PTPRG: variants seen among roughly 807,000 people sequenced by gnomAD.
PTPRG encodes the protein receptor-type tyrosine-protein phosphatase gamma.
Under a neutral mutation model 165.3 loss-of-function variants are expected in PTPRG, and 102 were observed. That is an observed-to-expected ratio of 0.62 (90% CI 0.53 to 0.73). PTPRG has a LOEUF of 0.73. Ranked by LOEUF, PTPRG falls within the 30% of genes least tolerant of loss-of-function variation. The probability of loss-of-function intolerance (pLI) is 0.00; values close to 1 mark genes in which losing one functional copy is unlikely to be tolerated. For synonymous variants in PTPRG, 675 were observed against 669.5 expected (o/e 1.01, Z -0.13); for missense variants, 1,866 against 1,861.4 (o/e 1.00, Z -0.05).
In PTPRG at chr3:61,937,763, C is replaced by G. The variant is rs951320360; in HGVS notation, c.191-51862C>G. 3.3e-5 allele frequency among the ~76,000 whole-genome samples: 5 copies of G among 152,196 alleles called. No individual in the cohort carries two copies. The East Asian group carries it at 9.6e-4, about 29-fold the overall frequency. ...AAAGGAGAACATTGTGCTCATCAAA[C>G]TGCTGTGCCACTTCCACCTCCCAGC... On this transcript the variant is annotated intron_variant, in intron 2 of 29. Transcript: ENST00000474889.
intron 12 of PTPRG, among the ~76,000 whole-genome samples, chr3:62,212,953 C>G (rs376839911): frequency 2.0e-5 from 3 of 152,218 alleles, no homozygotes; most frequent in African/African-American, 7.2e-5. Flanking sequence ...GCTGGGAAAA[C>G]TACATCATCT....
intron 2 of PTPRG, among the ~76,000 whole-genome samples, chr3:61,839,195 T>A (rs62243188): frequency 0.11 from 16,898 of 152,194 alleles, 1,207 homozygotes; most frequent in East Asian, 0.33. Context: ...AAAATTACTT[T>A]TATTGGAGGC....
intron 2 of PTPRG, among the ~76,000 whole-genome samples, chr3:61,795,275 G>A (rs1407642101): frequency 6.6e-6 from 1 of 152,074 alleles, no homozygotes; most frequent in African/African-American, 2.4e-5. Context: ...GTGGTATAGG[G>A]CTTAAGAGCA....
chr3:62,264,210 T>C (rs1474047866), intron 17 of PTPRG: 1 of 151,522 alleles, frequency 6.6e-6, no homozygotes, highest in South Asian at 2.1e-4. Context: ...TCCCAGCTAA[T>C]GGAGAGGCAC....
intron 12 of PTPRG, among the ~76,000 whole-genome samples, chr3:62,215,899 G>A (rs1413506503): frequency 6.6e-6 from 1 of 152,196 alleles, no homozygotes; most frequent in Admixed American, 6.5e-5. Context: ...AAATTCTGGA[G>A]TGGTCACTTT....
intron 2 of PTPRG, among the ~76,000 whole-genome samples, chr3:61,829,535 A>G (rs2036212240): frequency 6.6e-6 from 1 of 152,252 alleles, no homozygotes; most frequent in Admixed American, 6.5e-5. Context: ...TTCATGGGTT[A>G]ACTACTCCAA....
intron 1 of PTPRG, among the ~76,000 whole-genome samples, chr3:61,658,616 C>T (rs113087679): frequency 0.014 from 2,125 of 152,244 alleles, 27 homozygotes; most frequent in South Asian, 0.029. Context: ...CATTTATTCC[C>T]GAGATAAGTG....
chr3:62,201,673 A>T, intron 11 of PTPRG, 119 bp downstream of exon 11: 1 of 803,538 alleles, frequency 1.2e-6, no homozygotes, highest in East Asian at 2.8e-5. Context: ...AAGCGGTTAT[A>T]GTAGAGAAAA....
rs1409838361 is a variant in PTPRG, at chr3:62,157,157, C to T, written c.773C>T (p.Thr258Ile). The T allele has an allele frequency of 6.2e-7, 1 of 1,614,032 alleles. No individual in the cohort carries two copies. The highest frequency in any genetic ancestry group is 1.7e-5 in the Admixed American group (1 of 60,026). ...SYYRYTGSLT[T>I]PPCSEIVEWI... ...TATCGGTACACAGGTTCCTTGACCA[C>T]ACCACCGTGTAGCGAAATAGTGGAG... is the stretch of plus-strand genomic sequence containing the variant. The change falls in exon 7 of 30, where the codon ACA (threonine) becomes ATA (isoleucine). Residue 258 changes from threonine to isoleucine, a missense_variant. By Grantham distance (89) the Thr-to-Ile change is moderately conservative. Coordinates refer to ENST00000474889, the MANE Select transcript of PTPRG (RefSeq NM_002841.4).
intron 2 of PTPRG, among the ~76,000 whole-genome samples, chr3:61,801,890 T>G (rs917919954): frequency 6.6e-6 from 1 of 152,104 alleles, no homozygotes; most frequent in South Asian, 2.1e-4. Flanking sequence ...CTGGCCGTGG[T>G]GGCGTGCGCC....
chr3:61,671,744 A>G (rs1457595106), intron 1 of PTPRG, among the ~76,000 whole-genome samples: 2 of 142,406 alleles, frequency 1.4e-5, no homozygotes, highest in African/African-American at 5.2e-5. Flanking sequence ...CACCTCCTGG[A>G]CGGGGCGGCT....
chr3:61,591,817 A>G lies in PTPRG; in HGVS notation c.85+29445A>G, dbSNP rs138622965. On this transcript the variant is annotated intron_variant, in intron 1 of 29. Transcript: ENST00000474889. Reference sequence around the variant, plus strand: ...AGGGCTTTGGAACTGGTAGATAGATACGGTGCGATTCCTGTTTCTAGGCAT... The same window carrying G: ...AGGGCTTTGGAACTGGTAGATAGATGCGGTGCGATTCCTGTTTCTAGGCAT... Among the ~76,000 whole-genome samples, 337 of 152,198 alleles carry G rather than the reference A, an allele frequency of 2.2e-3. 4 individuals carry two copies. Among genetic ancestry groups the G allele is most frequent in the African/African-American group, 7.7e-3 (321 of 41,520 alleles).
intron 7 of PTPRG, among the ~76,000 whole-genome samples, chr3:62,167,565 G>A (rs138322545): frequency 3.3e-5 from 5 of 152,288 alleles, no homozygotes; most frequent in South Asian, 2.1e-4. Flanking sequence ...GTGGGTAGGC[G>A]ATGGAGTTAG....
At chr3:61,975,920 C>T (rs987164274) in intron 2 of PTPRG, among the ~76,000 whole-genome samples, 1 of 152,116 alleles carries the variant, frequency 6.6e-6, no homozygotes, top group Non-Finnish European at 1.5e-5. Context: ...TCCTTGTATA[C>T]CCCTATTTAT....
rs183431897 is a variant in PTPRG at position 61,868,195 on chromosome 3, G to A, written c.190+119213G>A. On this transcript the variant is annotated intron_variant, in intron 2 of 29. Coordinates refer to ENST00000474889, the MANE Select transcript of PTPRG (RefSeq NM_002841.4). ...GAGTTTACAGTGTTAGTGATCTCTTGTCATCCTCACAACAGCTCTATGCAG... is the reference window on the plus strand; with the variant it reads ...GAGTTTACAGTGTTAGTGATCTCTTATCATCCTCACAACAGCTCTATGCAG... Among the ~76,000 whole-genome samples, 127 of 152,262 alleles carry A rather than the reference G, an allele frequency of 8.3e-4. 2 individuals are homozygous for A. Among genetic ancestry groups the A allele is most frequent in the Non-Finnish European group, 1.4e-3 (97 of 68,026 alleles).
Position 61,774,302 on chromosome 3 carries a change from C to G in PTPRG, c.190+25320C>G, listed in dbSNP as rs759372292. ...CACACCGGGAATGTGTGCCTGGGAC[C>G]AGGAGTAGTAGTTATTCATTTATAT... On this transcript the variant is annotated intron_variant, in intron 2 of 29. Coordinates refer to ENST00000474889, the MANE Select transcript of PTPRG (RefSeq NM_002841.4). Among the ~76,000 whole-genome samples the G allele has an allele frequency of 1.3e-5, 2 of 152,164 alleles. 1 individual carries two copies.
chr3:61,779,412 G>A (rs1338094871), intron 2 of PTPRG, among the ~76,000 whole-genome samples: 2 of 152,180 alleles, frequency 1.3e-5, no homozygotes, highest in African/African-American at 4.8e-5. Flanking sequence ...CCTTCCTAAT[G>A]ACACGTGGCA....
chr3:61,920,137 C>T (rs2039042042), intron 2 of PTPRG, among the ~76,000 whole-genome samples: 1 of 152,222 alleles, frequency 6.6e-6, no homozygotes, highest in South Asian at 2.1e-4. Context: ...CTCGTCCCCA[C>T]ATCTCAGTTC....
At chr3:61,568,741 C>G (rs1358295401) in intron 1 of PTPRG, among the ~76,000 whole-genome samples, 2 of 151,936 alleles carry the variant, frequency 1.3e-5, no homozygotes, top group Non-Finnish European at 2.9e-5. Context: ...AACCCTGTCT[C>G]TTCTAAAAAT....
Sources: allele counts gnomAD v4.1 joint callset (sites outside exome capture counted in the v4.1 genomes callset), GRCh38; gene constraint gnomAD v4.1.1; transcripts MANE v1.5; gene names NCBI Gene and HGNC (gene_info 2026-07-23, HGNC 2026-07-21).